The following CSNK1G1 variants were observed in gnomAD, a reference collection of about 807,000 sequenced individuals.
The protein encoded by CSNK1G1 is casein kinase 1 gamma 1, also known as casein kinase I isoform gamma-1.
In CSNK1G1, 22 loss-of-function variants were observed where a neutral mutation model predicts 59.6. That is an observed-to-expected ratio of 0.37 (90% CI 0.26 to 0.53). The LOEUF (loss-of-function observed/expected upper bound fraction) is 0.53. CSNK1G1 is among the 20% of genes least tolerant of loss of function. The pLI, the probability that CSNK1G1 is intolerant of heterozygous loss-of-function variation, is 0.89. For missense variants in CSNK1G1, 384 were observed against 519.5 expected, an observed-to-expected ratio of 0.74 and a Z score of 2.54; for synonymous variants, 179 against 177.1, an observed-to-expected ratio of 1.01 and a Z score of -0.08.
At position 64,171,956 on chromosome 15, in the gene CSNK1G1, T is replaced by C. The variant is rs2081672248; in HGVS notation, c.1244A>G (p.Lys415Arg). The C allele has an allele frequency of 6.2e-7, 1 of 1,614,158 alleles. No individual in the cohort carries two copies. Among genetic ancestry groups the C allele is most frequent in the South Asian group, 1.1e-5 (1 of 91,082 alleles). ...KCCCFFKRKR[K>R]KTAQRHK Reference sequence around the variant, plus strand: ...TCACTTGTGGCGCTGAGCAGTCTTCTTCCTTTTCCTCTTAAAGAAACAGCA... The same window carrying C: ...TCACTTGTGGCGCTGAGCAGTCTTCCTCCTTTTCCTCTTAAAGAAACAGCA... The change falls in exon 12 of 12, where the codon AAG becomes AGG. Residue 415 changes from lysine to arginine, a missense_variant. Transcript: ENST00000303052. The surrounding 1 kb of genome is among the most constrained non-coding windows in gnomAD (Gnocchi z 4.8).
At chr15:64,246,641 G>C (rs1177013536) in intron 4 of CSNK1G1, among the ~76,000 whole-genome samples, 2 of 29,482 alleles carry the variant, frequency 6.8e-5, no homozygotes, top group Non-Finnish European at 4.9e-5. Context: ...AAAAAAAAAG[G>C]GGGGGGGGGA....
At chr15:64,290,713 C>T (rs1354024650) in intron 2 of CSNK1G1, among the ~76,000 whole-genome samples, 4 of 152,142 alleles carry the variant, frequency 2.6e-5, no homozygotes, top group Non-Finnish European at 4.4e-5. Flanking sequence ...AATTAGAATG[C>T]ATTTTATCTA....
chr15:64,331,571 A>C (rs1223875528), intron 1 of CSNK1G1, among the ~76,000 whole-genome samples: 22 of 121,166 alleles, frequency 1.8e-4, no homozygotes, highest in African/African-American at 7.0e-4. Flanking sequence ...AACCATAAAA[A>C]CCCTAGAAGA....
chr15:64,254,800 G>A (rs1374377759), intron 3 of CSNK1G1, among the ~76,000 whole-genome samples: 1 of 152,162 alleles, frequency 6.6e-6, no homozygotes, highest in African/African-American at 2.4e-5. Context: ...TTTTGCTGAA[G>A]TCCAACTTAG....
At chr15:64,218,625 G>A (rs1327919958) in intron 4 of CSNK1G1, among the ~76,000 whole-genome samples, 2 of 152,024 alleles carry the variant, frequency 1.3e-5, no homozygotes, top group Non-Finnish European at 2.9e-5. Flanking sequence ...CCGACTTCAA[G>A]TGATCCATCC....
chr15:64,182,362 T>C (rs1364998644), intron 10 of CSNK1G1, among the ~76,000 whole-genome samples: 6 of 152,136 alleles, frequency 3.9e-5, no homozygotes, highest in Non-Finnish European at 8.8e-5. Context: ...CACGAGCCAC[T>C]GTGCCCGGCC....
At chr15:64,244,598 C>T (rs1244635235) in intron 4 of CSNK1G1, among the ~76,000 whole-genome samples, 1 of 151,934 alleles carries the variant, frequency 6.6e-6, no homozygotes, top group Non-Finnish European at 1.5e-5. Flanking sequence ...AAGAACAAAG[C>T]AAGGCCAGGC....
At chr15:64,259,720 T>G (rs1892594222) in intron 2 of CSNK1G1, among the ~76,000 whole-genome samples, 1 of 152,172 alleles carries the variant, frequency 6.6e-6, no homozygotes, top group Non-Finnish European at 1.5e-5. Flanking sequence ...ACAGTGTGAA[T>G]AAAACCAATT....
In CSNK1G1 at chr15:64,265,250, C is replaced by T. The variant is rs11856324; in HGVS notation, c.182-6009G>A. On this transcript the variant is annotated intron_variant, in intron 2 of 11. Coordinates refer to ENST00000303052, the MANE Select transcript of CSNK1G1 (RefSeq NM_022048.5). Reference sequence around the variant, plus strand: ...TGGAAAAAGAAATTGAGAATATAATCGGAGCACACAGTGTGTGGGAGGAAA... The same window carrying T: ...TGGAAAAAGAAATTGAGAATATAATTGGAGCACACAGTGTGTGGGAGGAAA... Among the ~76,000 whole-genome samples the T allele has an allele frequency of 8.5e-3, 1,295 of 152,244 alleles. 19 individuals carry two copies. Among genetic ancestry groups the T allele is most frequent in the African/African-American group, 0.029 (1,213 of 41,550 alleles).
intron 1 of CSNK1G1, among the ~76,000 whole-genome samples, chr15:64,315,383 T>C (rs1596265634): frequency 6.6e-6 from 1 of 152,212 alleles, no homozygotes. Context: ...CAGGATTTTA[T>C]AGGTCACTGA....
chr15:64,303,265 T>G (rs1895464198), intron 1 of CSNK1G1, among the ~76,000 whole-genome samples: 1 of 142,674 alleles, frequency 7.0e-6, no homozygotes, highest in Non-Finnish European at 1.5e-5. Context: ...AAAAAAAAAT[T>G]AAAAATTAAA....
chr15:64,303,856 G>C (rs1895509067), intron 1 of CSNK1G1, among the ~76,000 whole-genome samples: 1 of 150,136 alleles, frequency 6.7e-6, no homozygotes, highest in Non-Finnish European at 1.5e-5. Context: ...GAGGTTCAAG[G>C]ACGCAGTGAG....
At chr15:64,284,126 C>T (rs1894286188) in intron 2 of CSNK1G1, among the ~76,000 whole-genome samples, 1 of 152,158 alleles carries the variant, frequency 6.6e-6, no homozygotes, top group African/African-American at 2.4e-5. Flanking sequence ...CTTGACACAC[C>T]TGTCAAGTGC....
rs1426810968 is a variant in CSNK1G1, at chr15:64,300,508, A to G, written c.-9T>C. ...CTACTAGGATGGTCCATGATCCTACAGGACAGAGTCTCCTATAGTACAGCA... is the reference window on the plus strand; with the variant it reads ...CTACTAGGATGGTCCATGATCCTACGGGACAGAGTCTCCTATAGTACAGCA... On this transcript the variant is annotated 5_prime_UTR_variant, in exon 2 of 12. Transcript: ENST00000303052. 3 of 1,613,410 alleles carry G rather than the reference A, an allele frequency of 1.9e-6. No homozygotes were observed. Among genetic ancestry groups the G allele is most frequent in the African/African-American group, 1.3e-5 (1 of 75,056 alleles).
chr15:64,206,515 G>A (rs867659444), intron 7 of CSNK1G1, among the ~76,000 whole-genome samples: 3 of 149,604 alleles, frequency 2.0e-5, no homozygotes, highest in Non-Finnish European at 4.4e-5. Context: ...GCTGAGGTAG[G>A]AGAACCGCTG....
chr15:64,255,957 A>T (rs1892352354), intron 3 of CSNK1G1, among the ~76,000 whole-genome samples: 1 of 152,208 alleles, frequency 6.6e-6, no homozygotes, highest in African/African-American at 2.4e-5. Context: ...AAGTGTCTCA[A>T]GACTTTCAGT....
At chr15:64,240,569 G>A (rs2082680620) in intron 4 of CSNK1G1, among the ~76,000 whole-genome samples, 1 of 151,656 alleles carries the variant, frequency 6.6e-6, no homozygotes, top group South Asian at 2.1e-4. Context: ...AAATTATAAG[G>A]GAGTAACAGC....
At chr15:64,301,368 CAAA>C (rs5813288) in intron 1 of CSNK1G1, among the ~76,000 whole-genome samples, 19 of 142,232 alleles carry the variant, frequency 1.3e-4, no homozygotes, top group East Asian at 2.0e-4. Flanking sequence ...GAAAATAAAG[CAAA>C]AAAAAAAAAA....
At chr15:64,251,146 C>T (rs553188793) in intron 4 of CSNK1G1, among the ~76,000 whole-genome samples, 1 of 152,162 alleles carries the variant, frequency 6.6e-6, no homozygotes, top group Non-Finnish European at 1.5e-5. Flanking sequence ...AACAGATAAA[C>T]CATCTCAGTA....
Sources: allele counts gnomAD v4.1 joint callset (sites outside exome capture counted in the v4.1 genomes callset), GRCh38; gene constraint gnomAD v4.1.1; non-coding constraint Gnocchi (gnomAD v3.1); transcripts MANE v1.5; gene names NCBI Gene and HGNC (gene_info 2026-07-23, HGNC 2026-07-21).